The following PRKCH variants were observed in gnomAD, a reference collection of about 807,000 sequenced individuals.
PRKCH encodes protein kinase C eta, also known as protein kinase C eta type.
Under a neutral mutation model 82.5 loss-of-function variants are expected in PRKCH, and 28 were observed. That is an observed-to-expected ratio of 0.34 (90% CI 0.25 to 0.47). The LOEUF is 0.47. Among genes scored for constraint, PRKCH ranks in the 20% least tolerant of loss-of-function variants. The pLI, the probability that PRKCH is intolerant of heterozygous loss-of-function variation, is 1.00. For missense variants in PRKCH, 705 were observed against 881.8 expected (o/e 0.80, Z 2.54); for synonymous variants, 322 against 327.4 (o/e 0.98, Z 0.18).
intron 2 of PRKCH, 61 bp downstream of exon 2, chr14:61,391,349 A>G: frequency 7.4e-7 from 1 of 1,348,562 alleles, no homozygotes; most frequent in Non-Finnish European, 1.0e-6. Context: ...ACTCAGTAGG[A>G]ATTTCTATCA....
At chr14:61,340,758 T>C (rs947913894) in intron 1 of PRKCH, among the ~76,000 whole-genome samples, 15 of 152,184 alleles carry the variant, frequency 9.9e-5, no homozygotes, top group African/African-American at 3.4e-4. Flanking sequence ...CAAGTCAACA[T>C]GTCCACAATT....
chr14:61,193,001 A>G (rs917657051), intron 1 of PRKCH, among the ~76,000 whole-genome samples: 3 of 152,220 alleles, frequency 2.0e-5, no homozygotes, highest in Non-Finnish European at 1.5e-5. Context: ...TAGGATCTGC[A>G]GACCACAGGT....
chr14:61,474,351 C>G (rs1468625965), intron 9 of PRKCH, among the ~76,000 whole-genome samples: 1 of 152,172 alleles, frequency 6.6e-6, no homozygotes, highest in Non-Finnish European at 1.5e-5. Context: ...ATGACTGTTC[C>G]CCTTCCTGTT....
At chr14:61,221,590 A>G (rs2044656581) in intron 1 of PRKCH, among the ~76,000 whole-genome samples, 2 of 151,924 alleles carry the variant, frequency 1.3e-5, no homozygotes, top group South Asian at 4.2e-4. Context: ...GCTGCTGCCT[A>G]TATTCTTCCT....
chr14:61,407,391 C>G (rs1356993685), intron 2 of PRKCH, among the ~76,000 whole-genome samples: 2 of 152,178 alleles, frequency 1.3e-5, no homozygotes, highest in African/African-American at 4.8e-5. Flanking sequence ...GAGAACATAA[C>G]AATGCTTGGA....
chr14:61,530,063 C>G (rs2043025638), intron 11 of PRKCH, among the ~76,000 whole-genome samples: 1 of 152,200 alleles, frequency 6.6e-6, no homozygotes. Context: ...AAGAAAGGCT[C>G]TTGAATCCTT....
chr14:61,188,796 C>T (rs1438488589), intron 1 of PRKCH, among the ~76,000 whole-genome samples: 2 of 151,014 alleles, frequency 1.3e-5, no homozygotes, highest in African/African-American at 2.4e-5. Context: ...TCTCGACTCA[C>T]TGCAACCTCC....
At chr14:61,310,568 C>T (rs138033927) in intron 1 of PRKCH, among the ~76,000 whole-genome samples, 1 of 152,330 alleles carries the variant, frequency 6.6e-6, no homozygotes, top group East Asian at 1.9e-4. Context: ...GGTACAGCTC[C>T]CTTCCTGGCT....
At chr14:61,291,788 G>T (rs2045365073) in intron 1 of PRKCH, among the ~76,000 whole-genome samples, 1 of 152,182 alleles carries the variant, frequency 6.6e-6, no homozygotes, top group African/African-American at 2.4e-5. Context: ...GTGGTATTAA[G>T]TGCAGGTTTC....
Position 61,469,147 on chromosome 14 carries a change from C to T in PRKCH, c.1278+11468C>T, listed in dbSNP as rs1023919112. Among the ~76,000 whole-genome samples, 18 of 152,296 alleles carry T rather than the reference C, an allele frequency of 1.2e-4. No homozygotes were observed. The East Asian group carries it at 2.7e-3, about 23-fold the overall frequency. ...GTTGGAGGTCTTGCTATGTTGCCCA[C>T]ACTGGTCTTGAACTCCTGACCTCAA... On this transcript the variant is annotated intron_variant, in intron 9 of 13. Transcript: ENST00000332981.
At chr14:61,460,553 T>C (rs10133302) in intron 9 of PRKCH, among the ~76,000 whole-genome samples, 147,228 of 152,298 alleles carry the variant, frequency 0.97, 71,359 homozygotes, top group East Asian at 1. Flanking sequence ...TTAATCCTTA[T>C]AGTAACCCTC....
At chr14:61,536,732 AG>A (rs1431840169) in intron 12 of PRKCH, among the ~76,000 whole-genome samples, 2 of 152,044 alleles carry the variant, frequency 1.3e-5, no homozygotes, top group Non-Finnish European at 2.9e-5. Context: ...AGGGTTGGGG[AG>A]GGTGTGTACT....
chr14:61,300,917 G>A (rs971487271), intron 1 of PRKCH, among the ~76,000 whole-genome samples: 1 of 152,094 alleles, frequency 6.6e-6, no homozygotes, highest in Admixed American at 6.5e-5. Flanking sequence ...GATTAGGGTG[G>A]GGTGGTCAGC....
In PRKCH at chr14:61,390,791, T is replaced by G. The variant is rs1274238881; in HGVS notation, c.364-434T>G. On this transcript the variant is annotated intron_variant, in intron 1 of 13. Coordinates refer to ENST00000332981, the MANE Select transcript of PRKCH (RefSeq NM_006255.5). ...GAGACTCTTTATACTTTTTACTCCA[T>G]AAAACTAAAGATTTGCAGTTGACCA... 7 of 156,906 alleles carry G rather than the reference T, an allele frequency of 4.5e-5. No homozygotes were observed. The Admixed American group carries it at 4.6e-4, about 10-fold the overall frequency. The allele number at this position is 156,906 out of a possible 1,614,324, so 9.7% of individuals were successfully genotyped here.
intron 9 of PRKCH, among the ~76,000 whole-genome samples, chr14:61,464,570 G>A (rs545034951): frequency 6.6e-6 from 1 of 152,122 alleles, no homozygotes; most frequent in East Asian, 1.9e-4. Context: ...CCACCCAACA[G>A]GCTCTGGCAT....
chr14:61,446,172 T>TAA (rs1884211614), intron 4 of PRKCH, among the ~76,000 whole-genome samples: 1 of 141,376 alleles, frequency 7.1e-6, no homozygotes. Flanking sequence ...TGTTATGATT[T>TAA]CAAAAAAAAA....
At chr14:61,500,320 C>T (rs1445505306) in intron 10 of PRKCH, among the ~76,000 whole-genome samples, 3 of 151,880 alleles carry the variant, frequency 2.0e-5, no homozygotes, top group Non-Finnish European at 4.4e-5. Flanking sequence ...ACCTCAGCCT[C>T]CCAAGTATCT....
chr14:61,526,453 G>A (rs1246137441), intron 10 of PRKCH, among the ~76,000 whole-genome samples: 1 of 152,170 alleles, frequency 6.6e-6, no homozygotes, highest in Non-Finnish European at 1.5e-5. Context: ...CACACTTATT[G>A]GGGATTCCTG....
intron 1 of PRKCH, among the ~76,000 whole-genome samples, chr14:61,245,587 G>C (rs1215098186): frequency 6.6e-6 from 1 of 152,144 alleles, no homozygotes; most frequent in African/African-American, 2.4e-5. Flanking sequence ...CCACCAAAGG[G>C]GCCAAGGGTG....
Sources: gnomAD v4.1 joint callset for allele counts (sites outside exome capture counted in the v4.1 genomes callset) on GRCh38, gnomAD v4.1.1 for gene constraint, MANE v1.5 for transcripts, NCBI Gene and HGNC (gene_info 2026-07-23, HGNC 2026-07-21) for gene names.